QRICH2: variants seen among roughly 807,000 people sequenced by gnomAD.
The protein encoded by QRICH2 is glutamine-rich protein 2.
In QRICH2, 119 loss-of-function variants were observed where a neutral mutation model predicts 168.3. That is an observed-to-expected ratio of 0.71 (90% confidence interval 0.61 to 0.82). The LOEUF is 0.82. Among genes scored for constraint, QRICH2 ranks in the 40% least tolerant of loss-of-function variants. The pLI is 0.00. For missense variants in QRICH2, 2,241 were observed against 2,491.6 expected (o/e 0.90, Z 2.14); for synonymous variants, 894 against 951.2 (o/e 0.94, Z 1.11).
chr17:76,297,881 T>G (rs1015207752), intron 3 of QRICH2, among the ~76,000 whole-genome samples: 2 of 139,398 alleles, frequency 1.4e-5, no homozygotes, highest in East Asian at 2.1e-4. Context: ...TTTTTTTTTT[T>G]TTTTTTTTTT....
Position 76,292,784 on chromosome 17 carries a change from T to A in QRICH2, c.1943A>T (p.His648Leu). 1 of 1,613,272 alleles carries A rather than the reference T, an allele frequency of 6.2e-7. No homozygotes were observed. The highest frequency in any genetic ancestry group is 8.5e-7 in the Non-Finnish European group (1 of 1,179,878). Residue 648 changes from histidine (H) to leucine (L), a missense_variant, in exon 4 of 19, where the codon CAT (histidine) becomes CTT (leucine). Physicochemically the swap from His to Leu is moderately conservative, Grantham distance 99 (BLOSUM62 -3). Around this residue, in one of 3 missense-constraint regions of QRICH2, gnomAD observed 2,047 missense variants for 2,303.8 expected, o/e 0.89. Coordinates refer to ENST00000680821, the MANE Select transcript of QRICH2 (RefSeq NM_001388453.1). ...HGLIQPGTGQHDLVQSGTGQG... is the reference protein window; with the variant it reads ...HGLIQPGTGQLDLVQSGTGQG... ...ACCTGTGCCAGATTGGACCAAATCA[T>A]GCTGACCTGTGCCAGGCTGGATCAA...
chr17:76,277,749 TAC>T (rs756689731), intron 15 of QRICH2, among the ~76,000 whole-genome samples: 2 of 151,106 alleles, frequency 1.3e-5, no homozygotes, highest in African/African-American at 4.9e-5. Flanking sequence ...CCCACACTCA[TAC>T]ACACACGCAC....
At chr17:76,282,992 C>G (rs997092460) in intron 7 of QRICH2, among the ~76,000 whole-genome samples, 20 of 152,192 alleles carry the variant, frequency 1.3e-4, no homozygotes, top group Admixed American at 1.3e-3. Flanking sequence ...CAGGTACCCA[C>G]AAAAGCAGAT....
intron 5 of QRICH2, among the ~76,000 whole-genome samples, 170 bp from the exon 6 acceptor site, chr17:76,288,067 T>G (rs1315120727): frequency 6.6e-6 from 1 of 151,946 alleles, no homozygotes; most frequent in African/African-American, 2.4e-5. Context: ...ATCCATCCCA[T>G]GGATGTAGAA....
In QRICH2 at chr17:76,287,954, G is replaced by C. The variant is rs556232216; in HGVS notation, c.3799-57C>G. The C allele has an allele frequency of 2.8e-6, 4 of 1,407,120 alleles. No homozygotes were observed. In the African/African-American group the frequency reaches 4.2e-5, roughly 15 times the overall value. The allele number at this position is 1,407,120 out of a possible 1,614,324, so 87.2% of individuals were successfully genotyped here. On this transcript the variant is annotated intron_variant, in intron 5 of 18. Coordinates refer to ENST00000680821, the MANE Select transcript of QRICH2 (RefSeq NM_001388453.1). ...AGGCCTGAGCTCCCGCTTCCCAAGT[G>C]TGCCCTTGCATGCAGCTCATGCCAG...
chr17:76,286,892 A>G (rs2070894357), intron 7 of QRICH2, among the ~76,000 whole-genome samples: 1 of 151,594 alleles, frequency 6.6e-6, no homozygotes, highest in Non-Finnish European at 1.5e-5. Flanking sequence ...AAAAAAAAAA[A>G]AAGATAGGGA....
At chr17:76,288,377 C>G (rs2070928502) in intron 5 of QRICH2, among the ~76,000 whole-genome samples, 1 of 88,326 alleles carries the variant, frequency 1.1e-5, no homozygotes, top group Admixed American at 1.7e-4. Context: ...GAGCAAGAAT[C>G]AGTCTTAAAA....
upstream of QRICH2, among the ~76,000 whole-genome samples, chr17:76,308,747 ATTTT>A (rs371845048): frequency 6.7e-6 from 1 of 149,766 alleles, no homozygotes; most frequent in Non-Finnish European, 1.5e-5. Flanking sequence ...TGCTGCCATA[ATTTT>A]TTTTTTACTT....
chr17:76,304,058 T>C (rs761997506), intron 3 of QRICH2, among the ~76,000 whole-genome samples: 11 of 151,988 alleles, frequency 7.2e-5, no homozygotes, highest in Non-Finnish European at 1.5e-4. Flanking sequence ...TTTCTATTGA[T>C]CCAGTGGGTT....
Position 76,275,838 on chromosome 17 carries a change from A to C in QRICH2, c.5463T>G (p.Ile1821Met). Residue 1821 changes from isoleucine to methionine, a missense_variant, in exon 18 of 19, where the codon ATT (isoleucine) becomes ATG (methionine). Around this residue, in one of 3 missense-constraint regions of QRICH2, gnomAD observed 189 missense variants for 169.3 expected, o/e 1.12. Transcript: ENST00000680821. ...QLPSRPQSAQ[I>M]SAGNTSVSSR... Reference sequence around the variant, plus strand: ...AGCTACCTGAGGTGTTGCCAGCCGAAATCTGGGCGCTCTGTGGCCGAGAGG... The same window carrying C: ...AGCTACCTGAGGTGTTGCCAGCCGACATCTGGGCGCTCTGTGGCCGAGAGG... 1 of 1,607,006 alleles carries C rather than the reference A, an allele frequency of 6.2e-7. No homozygotes were observed. Among genetic ancestry groups the C allele is most frequent in the Non-Finnish European group, 8.5e-7 (1 of 1,179,862 alleles).
chr17:76,285,912 C>T (rs2070873863), intron 7 of QRICH2, among the ~76,000 whole-genome samples: 1 of 151,748 alleles, frequency 6.6e-6, no homozygotes, highest in African/African-American at 2.4e-5. Flanking sequence ...GTGGCTCACG[C>T]CTATAATCCC....
chr17:76,305,099 G>T lies in QRICH2; in HGVS notation c.535-158C>A, dbSNP rs148359978. ...GACTCAGTGCCAGGAGACGAGGAAA[G>T]GGGGAATTTGTGTGGCTCTTATGGA... On this transcript the variant is annotated intron_variant, in intron 1 of 18. Transcript: ENST00000680821. Among the ~76,000 whole-genome samples the T allele has an allele frequency of 3.5e-3, 536 of 151,904 alleles. 3 individuals carry two copies. Among genetic ancestry groups the T allele is most frequent in the African/African-American group, 0.012 (484 of 41,424 alleles).
intron 18 of QRICH2, 143 bp from the exon 19 acceptor site, chr17:76,274,403 G>C (rs2070635616): frequency 1.1e-5 from 4 of 356,124 alleles, no homozygotes; most frequent in Non-Finnish European, 1.6e-5. Context: ...AGCTGCCGGG[G>C]CCGGGGGGCA....
At chr17:76,296,650 T>C (rs528510988) in intron 3 of QRICH2, among the ~76,000 whole-genome samples, 7 of 151,946 alleles carry the variant, frequency 4.6e-5, no homozygotes, top group Admixed American at 2.6e-4. Context: ...CAGTGGCACA[T>C]GCTTGTAGTC....
chr17:76,293,187 C>G lies in QRICH2; in HGVS notation c.1540G>C (p.Gly514Arg), dbSNP rs1324091672. Residue 514 changes from glycine (G) to arginine (R), a missense_variant, in exon 4 of 19, where the codon GGA becomes CGA. Coordinates refer to ENST00000680821, the MANE Select transcript of QRICH2 (RefSeq NM_001388453.1). ...TGATCGACGACAGGCAATGTCAATC[C>G]TTGCTGGTCTATACCAGGGGGTACT... ...GLVPPGIDQQGLTLPVVDQHG... is the reference protein window; with the variant it reads ...GLVPPGIDQQRLTLPVVDQHG... 6.2e-7 allele frequency: 1 copy of G among 1,614,230 alleles called. No homozygotes were observed. The highest frequency in any genetic ancestry group is 1.3e-5 in the African/African-American group (1 of 75,076).
Position 76,279,977 on chromosome 17 carries a change from C to G in QRICH2, c.4748+56G>C, listed in dbSNP as rs190861972. Reference sequence around the variant, plus strand: ...TTTGTCTGGAGACCCCCAGCCCCCTCTGCCCTCACCCCCTGAAGAGCGTGC... The same window carrying G: ...TTTGTCTGGAGACCCCCAGCCCCCTGTGCCCTCACCCCCTGAAGAGCGTGC... On this transcript the variant is annotated intron_variant, in intron 12 of 18. Coordinates refer to ENST00000680821, the MANE Select transcript of QRICH2 (RefSeq NM_001388453.1). 88 of 1,543,150 alleles carry G rather than the reference C, an allele frequency of 5.7e-5. No individual in the cohort carries two copies. The African/African-American group carries it at 9.7e-4, about 17-fold the overall frequency.
In QRICH2 at chr17:76,281,776, G is replaced by T; in HGVS notation, c.4263+88C>A. 6.5e-7 allele frequency: 1 copy of T among 1,530,464 alleles called. No individual in the cohort carries two copies. The highest frequency in any genetic ancestry group is 8.9e-7 in the Non-Finnish European group (1 of 1,122,760). The allele number at this position is 1,530,464 out of a possible 1,614,324, so 94.8% of individuals were successfully genotyped here. A position where few individuals can be genotyped will look rare whatever the true frequency, so the allele number is the denominator to read the frequency against. On this transcript the variant is annotated intron_variant, in intron 8 of 18. Coordinates refer to ENST00000680821, the MANE Select transcript of QRICH2 (RefSeq NM_001388453.1). The surrounding 1 kb of genome is among the most constrained non-coding windows in gnomAD (Gnocchi z 4.4). ...AGCTGACCTTGAGGCCCAAACACCCGCCCCACTTCTGTGGGTCTGCAGCAG... is the reference window on the plus strand; with the variant it reads ...AGCTGACCTTGAGGCCCAAACACCCTCCCCACTTCTGTGGGTCTGCAGCAG...
At chr17:76,283,593 G>A (rs564984056) in intron 7 of QRICH2, among the ~76,000 whole-genome samples, 8 of 152,286 alleles carry the variant, frequency 5.3e-5, no homozygotes, top group African/African-American at 1.9e-4. Flanking sequence ...GCACAAAGCG[G>A]GCCAGGCACG....
rs1440553707 is a variant in QRICH2 at position 76,287,293 on chromosome 17, C to T, written c.3910G>A (p.Asp1304Asn). 2 of 1,613,636 alleles carry T rather than the reference C, an allele frequency of 1.2e-6. No homozygotes were observed. Among genetic ancestry groups the T allele is most frequent in the South Asian group, 2.2e-5 (2 of 91,044 alleles). ...AACTCGGCCAGCTCCTTTTCTATGT[C>T]AGCCACGGTGACTCTGTGGTGCACG... ...QLGVLRVTVA[D>N]IEKELAELRE... Residue 1304 changes from aspartate to asparagine, a missense_variant, in exon 7 of 19, where the codon GAC becomes AAC. Asp to Asn is a conservative substitution (Grantham distance 23, BLOSUM62 1). Around this residue, in one of 3 missense-constraint regions of QRICH2, gnomAD observed 2,047 missense variants for 2,303.8 expected, o/e 0.89. Transcript: ENST00000680821.
Sources: allele counts gnomAD v4.1 joint callset (sites outside exome capture counted in the v4.1 genomes callset), GRCh38; gene constraint gnomAD v4.1.1; regional missense constraint gnomAD v4.1.1; non-coding constraint Gnocchi (gnomAD v3.1); transcripts MANE v1.5; gene names NCBI Gene and HGNC (gene_info 2026-07-23, HGNC 2026-07-21).